HELLS: variants seen among roughly 807,000 people sequenced by gnomAD.
HELLS encodes the protein helicase, lymphoid specific.
In HELLS, 32 loss-of-function variants were observed where a neutral mutation model predicts 120.0. The observed-to-expected ratio is 0.27, with a 90% CI of 0.20 to 0.36. The LOEUF is 0.36. Ranked by LOEUF, HELLS falls within the 10% of genes least tolerant of loss-of-function variation. The probability of loss-of-function intolerance (pLI) is 1.00; values close to 1 mark genes in which losing one functional copy is unlikely to be tolerated. For synonymous variants in HELLS, 341 were observed against 323.4 expected (o/e 1.05, Z -0.58); for missense variants, 650 against 993.4 (o/e 0.65, Z 4.65).
intron 2 of HELLS, among the ~76,000 whole-genome samples, chr10:94,550,054 G>T (rs1842910026): frequency 6.6e-6 from 1 of 151,926 alleles, no homozygotes; most frequent in Non-Finnish European, 1.5e-5. Flanking sequence ...CTGAGTAGTT[G>T]GGATTACAGG....
chr10:94,606,348 T>C (rs1359262), downstream of HELLS, among the ~76,000 whole-genome samples: 65,740 of 151,024 alleles, frequency 0.44, 14,488 homozygotes, highest in East Asian at 0.72. Flanking sequence ...CTGCCTAGAA[T>C]TTTTTTGTTT....
intron 19 of HELLS, among the ~76,000 whole-genome samples, chr10:94,595,182 C>T (rs567974433): frequency 3.3e-5 from 5 of 151,636 alleles, no homozygotes; most frequent in Non-Finnish European, 7.4e-5. Context: ...GAGCCGAGAT[C>T]GTGCCACTGC....
intron 4 of HELLS, among the ~76,000 whole-genome samples, chr10:94,560,744 T>TGA (rs750061798): frequency 6.7e-6 from 1 of 150,334 alleles, no homozygotes; most frequent in Admixed American, 6.7e-5. Context: ...ACTGAGTCAC[T>TGA]GAGAGAGAGA....
intron 6 of HELLS, 177 bp from the exon 7 acceptor site, chr10:94,571,211 A>C: frequency 2.1e-6 from 1 of 472,336 alleles, no homozygotes; most frequent in East Asian, 4.0e-5. Flanking sequence ...GAATGTTATG[A>C]AATATTATGA....
At chr10:94,567,401 C>T (rs551845073) in intron 6 of HELLS, among the ~76,000 whole-genome samples, 18 of 152,114 alleles carry the variant, frequency 1.2e-4, no homozygotes, top group Non-Finnish European at 2.6e-4. Context: ...CAGGTTCAAG[C>T]GATTCTCCTG....
At chr10:94,561,227 C>G (rs1277242889) in intron 4 of HELLS, among the ~76,000 whole-genome samples, 2 of 152,096 alleles carry the variant, frequency 1.3e-5, no homozygotes, top group African/African-American at 4.8e-5. Context: ...CACACCCACA[C>G]CCATACCTTG....
intron 21 of HELLS, among the ~76,000 whole-genome samples, chr10:94,599,968 A>C (rs893305348): frequency 6.6e-6 from 1 of 152,164 alleles, no homozygotes; most frequent in Admixed American, 6.5e-5. Flanking sequence ...AAACTAACTT[A>C]TATTCTTGAA....
At chr10:94,557,113 T>C in intron 3 of HELLS, 1 of 344,542 alleles carries the variant, frequency 2.9e-6, no homozygotes, top group South Asian at 2.2e-5. Context: ...CTTGTTCTGT[T>C]CTTCCCATTG....
chr10:94,583,535 CTT>C (rs1038813013), intron 12 of HELLS, among the ~76,000 whole-genome samples: 5 of 152,038 alleles, frequency 3.3e-5, no homozygotes, highest in South Asian at 2.1e-4. Context: ...TATTCAAAGT[CTT>C]TATCGTTTTT....
Position 94,563,143 on chromosome 10 carries a change from T to C in HELLS, c.435+267T>C, listed in dbSNP as rs377424073. Among the ~76,000 whole-genome samples the C allele has an allele frequency of 1.2e-4, 18 of 152,068 alleles. 1 individual carries two copies. In the South Asian group the frequency reaches 3.5e-3, roughly 30 times the overall value. ...TGAGATGGAGCTCTGTGGTCCATGC[T>C]GCCTTGCAGTGTCACTATATCTGCT... On this transcript the variant is annotated intron_variant, in intron 6 of 21. Coordinates refer to ENST00000348459, the MANE Select transcript of HELLS (RefSeq NM_018063.5).
chr10:94,563,248 A>G (rs374256717), intron 6 of HELLS, among the ~76,000 whole-genome samples: 1 of 151,954 alleles, frequency 6.6e-6, no homozygotes, highest in East Asian at 1.9e-4. Context: ...GGTGCCAACC[A>G]CCACGCCTGG....
intron 7 of HELLS, among the ~76,000 whole-genome samples, chr10:94,573,349 T>C (rs1844273894): frequency 2.6e-5 from 4 of 152,258 alleles, no homozygotes; most frequent in African/African-American, 9.6e-5. Flanking sequence ...TAATAAATTA[T>C]TGAGTATCAC....
intron 3 of HELLS, among the ~76,000 whole-genome samples, chr10:94,554,646 T>G (rs1843157364): frequency 7.5e-6 from 1 of 132,882 alleles, no homozygotes; most frequent in South Asian, 2.6e-4. Context: ...GTAATAGTGT[T>G]TTTTTTTTTG....
chr10:94,559,038 T>TA (rs1388942420), intron 4 of HELLS, among the ~76,000 whole-genome samples: 7 of 152,090 alleles, frequency 4.6e-5, no homozygotes, highest in African/African-American at 1.7e-4. Context: ...CCTACTCACT[T>TA]ACATTTATTT....
chr10:94,559,002 T>G (rs189484298), intron 4 of HELLS, among the ~76,000 whole-genome samples: 82 of 152,292 alleles, frequency 5.4e-4, no homozygotes, highest in African/African-American at 1.7e-3. Flanking sequence ...ACAATCATAT[T>G]CAAGGATTCT....
At chr10:94,580,162 T>TATATATATAC (rs1396139651) in intron 10 of HELLS, among the ~76,000 whole-genome samples, 1 of 47,598 alleles carries the variant, frequency 2.1e-5, no homozygotes, top group Non-Finnish European at 4.1e-5. Context: ...TATATATATA[T>TATATATATAC]ACACACACAC....
rs529964819 is a variant in HELLS, at chr10:94,601,770, A to G, written c.*148A>G. 2.7e-5 allele frequency: 13 copies of G among 486,902 alleles called. No individual in the cohort carries two copies. The highest frequency in any genetic ancestry group is 2.4e-4 in the South Asian group (8 of 33,240). 30.2% of individuals were successfully genotyped at this position (486,902 alleles called of 1,614,324 possible). Reference sequence around the variant, plus strand: ...ACCATGCGTACTTAAATAGATGGTAATTTTCTGAGCCTTACCAAGAACAAA... The same window carrying G: ...ACCATGCGTACTTAAATAGATGGTAGTTTTCTGAGCCTTACCAAGAACAAA... On this transcript the variant is annotated 3_prime_UTR_variant, in exon 22 of 22. Transcript: ENST00000348459.
Position 94,545,811 on chromosome 10 carries a change from C to T in HELLS, c.-111C>T, listed in dbSNP as rs1361024677. The T allele has an allele frequency of 3.1e-6, 4 of 1,282,736 alleles. No individual in the cohort carries two copies. Among genetic ancestry groups the T allele is most frequent in the African/African-American group, 1.5e-5 (1 of 67,700 alleles). The allele number at this position is 1,282,736 out of a possible 1,614,324, so 79.5% of individuals were successfully genotyped here. On this transcript the variant is annotated 5_prime_UTR_variant, in exon 1 of 22. Transcript: ENST00000348459. ...GCGAAGGAGAAGCGCGCTTTTTTCC[C>T]TGGCGGGGGATTTGGCTAGAAGGCT...
chr10:94,579,206 T>C (rs1437979037), intron 10 of HELLS, among the ~76,000 whole-genome samples: 1 of 106,930 alleles, frequency 9.4e-6, no homozygotes, highest in Admixed American at 9.7e-5. Context: ...TTTTTCTTTT[T>C]TTTTTTTTTT....
Sources: allele counts gnomAD v4.1 joint callset (sites outside exome capture counted in the v4.1 genomes callset), GRCh38; gene constraint gnomAD v4.1.1; transcripts MANE v1.5; gene names NCBI Gene and HGNC (gene_info 2026-07-23, HGNC 2026-07-21).